The following SORBS2 variants were observed in gnomAD, a reference collection of about 807,000 sequenced individuals.
The protein encoded by SORBS2 is sorbin and SH3 domain-containing protein 2.
A neutral mutation model predicts 97.7 loss-of-function variants in SORBS2; 46 were observed. The observed-to-expected ratio is 0.47, with a 90% confidence interval of 0.37 to 0.60. The LOEUF is 0.60. Among genes scored for constraint, SORBS2 ranks in the 20% least tolerant of loss-of-function variants. The pLI, the probability that SORBS2 is intolerant of heterozygous loss-of-function variation, is 0.00. For synonymous variants in SORBS2, 476 were observed against 473.4 expected (o/e 1.01, Z -0.07); for missense variants, 1,316 against 1,282.3 (o/e 1.03, Z -0.40).
chr4:185,956,012 G>T (rs915804541), intron 1 of SORBS2, among the ~76,000 whole-genome samples: 6 of 152,138 alleles, frequency 3.9e-5, no homozygotes, highest in Non-Finnish European at 7.3e-5. Context: ...CTTAAGCAAC[G>T]TAAAGTGTTC....
At chr4:185,858,194 A>G (rs1021143011) in intron 1 of SORBS2, among the ~76,000 whole-genome samples, 5 of 152,172 alleles carry the variant, frequency 3.3e-5, no homozygotes, top group Non-Finnish European at 5.9e-5. Context: ...CACTTAGGGA[A>G]AATAGAAAAG....
At chr4:185,668,244 A>G (rs2097650007) in intron 4 of SORBS2, among the ~76,000 whole-genome samples, 1 of 152,226 alleles carries the variant, frequency 6.6e-6, no homozygotes, top group East Asian at 1.9e-4. Context: ...TAATATGATC[A>G]TTAGTTTGCA....
At chr4:185,929,420 T>C (rs2099265327) in intron 1 of SORBS2, among the ~76,000 whole-genome samples, 1 of 152,196 alleles carries the variant, frequency 6.6e-6, no homozygotes, top group African/African-American at 2.4e-5. Context: ...AAGTCTTTTA[T>C]AATTGAGTTT....
At position 185,684,842 on chromosome 4, in the gene SORBS2, G is replaced by A. The variant is rs1430874742; in HGVS notation, c.-197-6020C>T. On this transcript the variant is annotated intron_variant, in intron 2 of 20. Coordinates refer to the SORBS2 transcript ENST00000284776. This position sits in a 1 kb window ranked among gnomAD's most constrained non-coding sequence, Gnocchi z 4.2. ...CGGCACGTTTGCGAGCACACCCACCGCTATCTGGAAGCAAAAAAATGATAT... is the reference window on the plus strand; with the variant it reads ...CGGCACGTTTGCGAGCACACCCACCACTATCTGGAAGCAAAAAAATGATAT... 28 of 1,551,474 alleles carry A rather than the reference G, an allele frequency of 1.8e-5. No homozygotes were observed. The highest frequency in any genetic ancestry group is 2.4e-5 in the Non-Finnish European group (27 of 1,146,858).
At chr4:185,843,662 A>G (rs1435005812) in intron 1 of SORBS2, among the ~76,000 whole-genome samples, 1 of 152,208 alleles carries the variant, frequency 6.6e-6, no homozygotes, top group Non-Finnish European at 1.5e-5. Context: ...TGAAAACTAT[A>G]AATTATTAGT....
chr4:185,901,396 G>T (rs1420881628), intron 1 of SORBS2, among the ~76,000 whole-genome samples: 2 of 152,100 alleles, frequency 1.3e-5, no homozygotes, highest in East Asian at 1.9e-4. Context: ...TAGAAACGGG[G>T]TTTCTCCATG....
intron 13 of SORBS2, among the ~76,000 whole-genome samples, chr4:185,590,516 G>C (rs1002462845): frequency 6.6e-6 from 1 of 152,090 alleles, no homozygotes; most frequent in Non-Finnish European, 1.5e-5. Flanking sequence ...GCAGACTATG[G>C]ACATAAGTCT....
chr4:185,807,916 T>A (rs1240497574), intron 1 of SORBS2, among the ~76,000 whole-genome samples: 1 of 152,204 alleles, frequency 6.6e-6, no homozygotes, highest in Non-Finnish European at 1.5e-5. Flanking sequence ...GCTATCCATG[T>A]AGTTAGACAT....
chr4:185,828,253 C>T (rs1448087484), intron 1 of SORBS2, among the ~76,000 whole-genome samples: 1 of 152,038 alleles, frequency 6.6e-6, no homozygotes, highest in African/African-American at 2.4e-5. Context: ...CTAGTTGCCC[C>T]AAAGGAAGAC....
intron 1 of SORBS2, among the ~76,000 whole-genome samples, chr4:185,856,824 C>T (rs577698702): frequency 6.6e-6 from 1 of 152,266 alleles, no homozygotes; most frequent in South Asian, 2.1e-4. Flanking sequence ...TTAGAATCAT[C>T]ATAGAAGATG....
intron 1 of SORBS2, among the ~76,000 whole-genome samples, chr4:185,885,017 C>T (rs2099238679): frequency 6.6e-6 from 1 of 152,102 alleles, no homozygotes; most frequent in South Asian, 2.1e-4. Context: ...TCCTCCACAC[C>T]TGCCTGGACT....
At chr4:185,588,622 C>CCCTCCTCCTCCTCCCTCCT (rs1561253138) in intron 14 of SORBS2, among the ~76,000 whole-genome samples, 2 of 64,910 alleles carry the variant, frequency 3.1e-5, no homozygotes, top group South Asian at 5.6e-4. Flanking sequence ...TCCTCCTCCT[C>CCCTCCTCCTCCTCCCTCCT]CTTGTTTTTG....
chr4:185,718,916 G>T (rs1203605899), intron 2 of SORBS2, among the ~76,000 whole-genome samples: 1 of 152,180 alleles, frequency 6.6e-6, no homozygotes, highest in Non-Finnish European at 1.5e-5. Flanking sequence ...TTGCAGGTTT[G>T]CTCTATGCAG....
At chr4:185,629,790 T>C (rs924074521) in intron 5 of SORBS2, among the ~76,000 whole-genome samples, 1 of 152,002 alleles carries the variant, frequency 6.6e-6, no homozygotes, top group East Asian at 1.9e-4. Context: ...CTCAATCTCT[T>C]GACCTCATGA....
chr4:185,684,165 C>T lies in SORBS2; in HGVS notation c.-197-5343G>A, dbSNP rs574502451. ...GTGCCTTAGGTACTGTGCCTAACTT[C>T]GGTACTGTGGCTTAGGTAGTCACAA... is the stretch of plus-strand genomic sequence containing the variant. On this transcript the variant is annotated intron_variant, in intron 2 of 20. Transcript: ENST00000284776. The surrounding 1 kb of genome is among the most constrained non-coding windows in gnomAD (Gnocchi z 4.2). Among the ~76,000 whole-genome samples, 37 of 152,224 alleles carry T rather than the reference C, an allele frequency of 2.4e-4. No individual in the cohort carries two copies. Among genetic ancestry groups the T allele is most frequent in the African/African-American group, 7.9e-4 (33 of 41,522 alleles).
At chr4:185,621,388 C>A (rs1006106131) in intron 7 of SORBS2, among the ~76,000 whole-genome samples, 2 of 152,052 alleles carry the variant, frequency 1.3e-5, no homozygotes, top group Admixed American at 6.6e-5. Context: ...AAACAAAATA[C>A]TTTTAAATGC....
intron 1 of SORBS2, among the ~76,000 whole-genome samples, chr4:185,936,446 C>T (rs927819998): frequency 9.9e-5 from 15 of 152,112 alleles, no homozygotes; most frequent in Admixed American, 7.9e-4. Flanking sequence ...TTATAAAGTA[C>T]GTATGGGAAC....
At chr4:185,847,932 C>T (rs569506124) in intron 1 of SORBS2, among the ~76,000 whole-genome samples, 17 of 152,284 alleles carry the variant, frequency 1.1e-4, no homozygotes, top group South Asian at 2.1e-4. Context: ...TTTGGCATTC[C>T]GCAGGCTTCT....
In SORBS2 at chr4:185,638,895, C is replaced by A; in HGVS notation, c.396+7773G>T. 2.0e-6 allele frequency: 3 copies of A among 1,480,536 alleles called. No homozygotes were observed. In the South Asian group the frequency reaches 4.0e-5, roughly 20 times the overall value. 91.7% of individuals were successfully genotyped at this position (1,480,536 alleles called of 1,614,324 possible). On this transcript the variant is annotated intron_variant, in intron 4 of 14. Coordinates refer to ENST00000418609, the Ensembl canonical transcript of SORBS2. ...AGCTCACCCGGGTGGGAGACAGAGC[C>A]GGGGCGCGCGAGCTTGGTGTGGGGG...
Sources: allele counts gnomAD v4.1 joint callset (sites outside exome capture counted in the v4.1 genomes callset), GRCh38; gene constraint gnomAD v4.1.1; non-coding constraint Gnocchi (gnomAD v3.1); transcripts MANE v1.5; gene names NCBI Gene and HGNC (gene_info 2026-07-23, HGNC 2026-07-21).